The following HMCN1 variants were observed in gnomAD, a reference collection of about 807,000 sequenced individuals.
The protein encoded by HMCN1 is hemicentin-1.
Under a neutral mutation model 625.9 loss-of-function variants are expected in HMCN1, and 321 were observed. That is an observed-to-expected ratio of 0.51 (90% confidence interval 0.47 to 0.56). The LOEUF is 0.56. HMCN1 is among the 20% of genes least tolerant of loss of function. The pLI is 0.00. For synonymous variants in HMCN1, 2,425 were observed against 2,417.6 expected, an observed-to-expected ratio of 1.00 and a Z score of -0.09; for missense variants, 6,588 against 6,887.3, an observed-to-expected ratio of 0.96 and a Z score of 1.54.
At chr1:186,115,544 T>C in intron 75 of HMCN1, 130 bp downstream of exon 75, 2 of 856,112 alleles carry the variant, frequency 2.3e-6, no homozygotes, top group South Asian at 3.0e-5. Flanking sequence ...AGGGTTTTTT[T>C]CCTTAATATG....
At chr1:186,054,286 C>T (rs891984913) in intron 44 of HMCN1, among the ~76,000 whole-genome samples, 5 of 151,848 alleles carry the variant, frequency 3.3e-5, no homozygotes, top group Admixed American at 1.3e-4. Context: ...AGCATTTTAA[C>T]ATAGGGGATA....
chr1:186,188,437 G>A (rs1306723539), intron 106 of HMCN1, among the ~76,000 whole-genome samples: 2 of 152,172 alleles, frequency 1.3e-5, no homozygotes, highest in African/African-American at 2.4e-5. Flanking sequence ...CCTTGAGAAC[G>A]GAGATGAGTG....
chr1:185,839,397 A>G (rs1661351592), intron 1 of HMCN1, among the ~76,000 whole-genome samples: 2 of 152,202 alleles, frequency 1.3e-5, no homozygotes, highest in Non-Finnish European at 2.9e-5. Flanking sequence ...CTTTCAGGGT[A>G]CCTTGAGAAC....
At position 186,189,711 on chromosome 1, in the gene HMCN1, G is replaced by T; in HGVS notation, c.16741G>T (p.Ala5581Ser). Residue 5581 changes from alanine to serine, a missense_variant, in exon 107 of 107, where the codon GCC (alanine) becomes TCC (serine). Around this residue, in one of 3 missense-constraint regions of HMCN1, gnomAD observed 1,954 missense variants for 2,013.1 expected, o/e 0.97. Transcript: ENST00000271588. Reference sequence around the variant, plus strand: ...AGATGAGGAACAGACTGTTCCTTTTGCCTTGAGGGATGAAAACCTGAAAGG... The same window carrying T: ...AGATGAGGAACAGACTGTTCCTTTTTCCTTGAGGGATGAAAACCTGAAAGG... Reference protein sequence around the residue: ...MVDEEQTVPFALRDENLKGVV... With the variant: ...MVDEEQTVPFSLRDENLKGVV... 1 of 1,613,420 alleles carries T rather than the reference G, an allele frequency of 6.2e-7. No homozygotes were observed. The highest frequency in any genetic ancestry group is 8.5e-7 in the Non-Finnish European group (1 of 1,179,600).
intron 1 of HMCN1, among the ~76,000 whole-genome samples, chr1:185,766,490 G>A (rs752419514): frequency 6.6e-5 from 10 of 152,106 alleles, no homozygotes; most frequent in Non-Finnish European, 1.0e-4. Context: ...TCTTCTGGCC[G>A]TCTCAGGAAA....
chr1:186,083,008 G>T, intron 57 of HMCN1, 47 bp downstream of exon 57: 1 of 1,173,834 alleles, frequency 8.5e-7, no homozygotes, highest in East Asian at 2.4e-5. Context: ...GCTTGGAAAA[G>T]CAGAAAATTT....
At chr1:185,876,541 G>A (rs188287856) in intron 4 of HMCN1, among the ~76,000 whole-genome samples, 369 of 152,128 alleles carry the variant, frequency 2.4e-3, no homozygotes, top group African/African-American at 8.1e-3. Flanking sequence ...GTGTGTAAGC[G>A]TTCTCTTTTC....
intron 37 of HMCN1, 114 bp from the exon 38 acceptor site, chr1:186,038,715 A>G: frequency 1.4e-6 from 1 of 708,056 alleles, no homozygotes; most frequent in Non-Finnish European, 2.5e-6. Context: ...TAAACAGATT[A>G]AATTCAAATA....
intron 4 of HMCN1, among the ~76,000 whole-genome samples, chr1:185,893,605 T>A (rs555524851): frequency 6.6e-6 from 1 of 152,012 alleles, no homozygotes; most frequent in South Asian, 2.1e-4. Flanking sequence ...CACGGAAACG[T>A]TTTTTTTCCA....
At chr1:185,919,501 C>T (rs1398539992) in intron 6 of HMCN1, among the ~76,000 whole-genome samples, 2 of 152,118 alleles carry the variant, frequency 1.3e-5, no homozygotes, top group Admixed American at 1.3e-4. Context: ...CAGAAAGCAC[C>T]TTGTGCTTTT....
chr1:186,152,905 A>T, intron 96 of HMCN1, 34 bp downstream of exon 96: 1 of 1,612,092 alleles, frequency 6.2e-7, no homozygotes, highest in Non-Finnish European at 8.5e-7. Flanking sequence ...TTTGCTGCTT[A>T]TTAGAGTAAT....
intron 1 of HMCN1, among the ~76,000 whole-genome samples, chr1:185,830,157 A>G (rs1039036623): frequency 5.9e-5 from 9 of 152,192 alleles, no homozygotes; most frequent in Non-Finnish European, 1.2e-4. Flanking sequence ...GACCTTTGTC[A>G]GATGGGTAGA....
chr1:185,758,821 G>T (rs1655300820), intron 1 of HMCN1, among the ~76,000 whole-genome samples: 1 of 151,382 alleles, frequency 6.6e-6, no homozygotes, highest in Non-Finnish European at 1.5e-5. Context: ...GCATTTTCAT[G>T]CAGTTTTTTT....
At chr1:185,819,427 T>C (rs1044095331) in intron 1 of HMCN1, among the ~76,000 whole-genome samples, 9 of 152,198 alleles carry the variant, frequency 5.9e-5, no homozygotes, top group Non-Finnish European at 1.5e-5. Flanking sequence ...AGAAACATAC[T>C]TTTTCCTATT....
chr1:186,159,584 G>A (rs1398865174), intron 97 of HMCN1, among the ~76,000 whole-genome samples: 4 of 152,174 alleles, frequency 2.6e-5, no homozygotes, highest in African/African-American at 4.8e-5. Flanking sequence ...ATTATTTTGA[G>A]ATACGTCCCA....
intron 4 of HMCN1, among the ~76,000 whole-genome samples, chr1:185,880,774 G>A (rs966848451): frequency 6.6e-6 from 1 of 152,240 alleles, no homozygotes; most frequent in African/African-American, 2.4e-5. Context: ...ATTTGGACCA[G>A]AAGAGTCTGG....
At chr1:185,960,955 C>A (rs1649976928) in intron 11 of HMCN1, among the ~76,000 whole-genome samples, 1 of 152,196 alleles carries the variant, frequency 6.6e-6, no homozygotes, top group African/African-American at 2.4e-5. Flanking sequence ...TTTGAACTTA[C>A]TGGCCATATT....
At position 186,053,142 on chromosome 1, in the gene HMCN1, A is replaced by G. The variant is rs148815396; in HGVS notation, c.6700+68A>G. The G allele has an allele frequency of 9.4e-4, 1,353 of 1,434,760 alleles. 15 individuals carry two copies. The African/African-American group carries it at 0.017, about 18-fold the overall frequency. 88.9% of individuals were successfully genotyped at this position (1,434,760 alleles called of 1,614,324 possible). A position where few individuals can be genotyped will look rare whatever the true frequency, so the allele number is the denominator to read the frequency against. On this transcript the variant is annotated intron_variant, in intron 43 of 106. Coordinates refer to ENST00000271588, the MANE Select transcript of HMCN1 (RefSeq NM_031935.3). ...AAGATGGATATTGATTTCGTTTAAT[A>G]AATGTGTTAGATTATAAACAAATTT...
At chr1:186,007,354 C>G in intron 30 of HMCN1, 72 bp downstream of exon 30, 1 of 1,342,758 alleles carries the variant, frequency 7.4e-7, no homozygotes, top group Non-Finnish European at 1.1e-6. Flanking sequence ...TTACTGGTAA[C>G]TACACTCTTA....
Sources: gnomAD v4.1 joint callset for allele counts (sites outside exome capture counted in the v4.1 genomes callset) on GRCh38, gnomAD v4.1.1 for gene constraint, gnomAD v4.1.1 regional missense constraint, MANE v1.5 for transcripts, NCBI Gene and HGNC (gene_info 2026-07-23, HGNC 2026-07-21) for gene names.